LRSAM1: variants seen among roughly 807,000 people sequenced by gnomAD.
The protein encoded by LRSAM1 is leucine rich repeat and sterile alpha motif containing 1.
Under a neutral mutation model 118.1 loss-of-function variants are expected in LRSAM1, and 96 were observed. That is an observed-to-expected ratio of 0.81 (90% confidence interval 0.69 to 0.96). LRSAM1 has a LOEUF of 0.96. Among genes scored for constraint, LRSAM1 ranks in the 40% least tolerant of loss-of-function variants. The probability of loss-of-function intolerance (pLI) is 0.00; values close to 1 mark genes in which losing one functional copy is unlikely to be tolerated. For missense variants in LRSAM1, 804 were observed against 915.5 expected (o/e 0.88, Z 1.57); for synonymous variants, 322 against 364.2 (o/e 0.88, Z 1.32).
chr9:127,470,931 T>C (rs1835142144), intron 10 of LRSAM1: 1 of 152,018 alleles, frequency 6.6e-6, no homozygotes, highest in Admixed American at 6.6e-5. Flanking sequence ...AGTTACAGAT[T>C]TAAGGCCTTG....
Position 127,500,543 on chromosome 9 carries a change from A to T in LRSAM1, c.1913-467A>T, listed in dbSNP as rs193253392. ...TGGGTCACCTGATGGGCAGCAGCCC[A>T]TCCTGTCTCCTGGGCAACCAGGTGG... On this transcript the variant is annotated intron_variant, in intron 24 of 25. Transcript: ENST00000300417. Among the ~76,000 whole-genome samples the T allele has an allele frequency of 1.6e-4, 25 of 152,172 alleles. No homozygotes were observed. In the East Asian group the frequency reaches 4.6e-3, roughly 28 times the overall value.
Position 127,503,033 on chromosome 9 carries a change from G to C in LRSAM1, c.*134G>C. ...CCTGGGCCCCTTCCCCACTGCCCAG[G>C]AGCCCCCATCCTAAGCTCCAAGCAT... On this transcript the variant is annotated 3_prime_UTR_variant, in exon 26 of 26. Transcript: ENST00000300417. 8.2e-7 allele frequency: 1 copy of C among 1,225,452 alleles called. No homozygotes were observed. The highest frequency in any genetic ancestry group is 1.1e-6 in the Non-Finnish European group (1 of 869,598). The allele number at this position is 1,225,452 out of a possible 1,614,324, so 75.9% of individuals were successfully genotyped here.
Position 127,501,070 on chromosome 9 carries a change from CTG to C in LRSAM1, c.1976_1977del (p.Val659GlufsTer97). The C allele has an allele frequency of 6.2e-7, 1 of 1,614,012 alleles. No homozygotes were observed. Among genetic ancestry groups the C allele is most frequent in the South Asian group, 1.1e-5 (1 of 91,082 alleles). ...ACGGCCCCCCAGGAGCCTCCTGAGT[CTG>C]TGAGGCCATCCGCTCCCCCTGCAGA... is the stretch of plus-strand genomic sequence containing the variant. On this transcript the variant is annotated frameshift_variant, in exon 25 of 26. Coordinates refer to ENST00000300417, the MANE Select transcript of LRSAM1 (RefSeq NM_001005373.4). LOFTEE classifies it high-confidence loss of function.
At chr9:127,478,052 C>CAAA (rs368060643) in intron 11 of LRSAM1, among the ~76,000 whole-genome samples, 2 of 72,258 alleles carry the variant, frequency 2.8e-5, no homozygotes, top group Non-Finnish European at 3.0e-5. Context: ...AACTCCGTCT[C>CAAA]AAAAAAAAAA....
At chr9:127,455,492 C>G (rs999143997) in intron 4 of LRSAM1, 84 bp from the exon 5 acceptor site, 3 of 1,402,012 alleles carry the variant, frequency 2.1e-6, no homozygotes, top group South Asian at 1.2e-5. Flanking sequence ...TCCTGCCTGT[C>G]TCTTCCTCAC....
chr9:127,472,695 G>C lies in LRSAM1; in HGVS notation c.620-1106G>C, dbSNP rs1427951137. 2.0e-5 allele frequency among the ~76,000 whole-genome samples: 3 copies of C among 152,074 alleles called. No individual in the cohort carries two copies. The East Asian group carries it at 5.8e-4, about 29-fold the overall frequency. On this transcript the variant is annotated intron_variant, in intron 10 of 25. Coordinates refer to ENST00000300417, the MANE Select transcript of LRSAM1 (RefSeq NM_001005373.4). ...ATAAACATTAAAGAAACCATAAAAG[G>C]TATCATATGATGTGATTCTATGCCT...
At chr9:127,478,478 G>A (rs1469661187) in intron 11 of LRSAM1, among the ~76,000 whole-genome samples, 3 of 152,248 alleles carry the variant, frequency 2.0e-5, no homozygotes, top group African/African-American at 7.2e-5. Flanking sequence ...GTTGATAGAT[G>A]TATGAGTTAT....
chr9:127,454,714 C>A, intron 3 of LRSAM1, 115 bp downstream of exon 3: 1 of 1,141,610 alleles, frequency 8.8e-7, no homozygotes, highest in South Asian at 1.3e-5. Context: ...CTCCCCCACC[C>A]ACAGAAGAAA....
intron 7 of LRSAM1, among the ~76,000 whole-genome samples, chr9:127,459,477 C>T (rs952931935): frequency 3.3e-5 from 5 of 152,154 alleles, no homozygotes; most frequent in African/African-American, 1.2e-4. Context: ...CTTTGGCCTC[C>T]CAAAGTGCTG....
chr9:127,466,051 G>A (rs1005578004), intron 9 of LRSAM1, among the ~76,000 whole-genome samples: 2 of 152,196 alleles, frequency 1.3e-5, no homozygotes, highest in African/African-American at 2.4e-5. Flanking sequence ...GCTCAAGCTT[G>A]TAATCCTAGC....
rs113364326 is a variant in LRSAM1, at chr9:127,470,738, T to C, written c.619+2908T>C. 7.4e-3 allele frequency: 1,131 copies of C among 152,136 alleles called. 28 individuals carry two copies. Among genetic ancestry groups the C allele is most frequent in the Non-Finnish European group, 0.012 (832 of 67,930 alleles). 9.4% of individuals were successfully genotyped at this position (152,136 alleles called of 1,614,324 possible). On this transcript the variant is annotated intron_variant, in intron 10 of 25. Coordinates refer to ENST00000300417, the MANE Select transcript of LRSAM1 (RefSeq NM_001005373.4). ...ACCTGGATGAGTCTCACAAACAATG[T>C]GGAGTGTGAGGAGCCAGACACAAAG... is the stretch of plus-strand genomic sequence containing the variant.
intron 22 of LRSAM1, 32 bp downstream of exon 22, chr9:127,495,450 G>C (rs1406666607): frequency 6.3e-7 from 1 of 1,597,524 alleles, no homozygotes; most frequent in Admixed American, 1.7e-5. Context: ...CCCGGCCAGG[G>C]AGCCCTGGGG....
intron 10 of LRSAM1, among the ~76,000 whole-genome samples, chr9:127,473,339 G>A (rs1835241490): frequency 6.6e-6 from 1 of 152,292 alleles, no homozygotes; most frequent in African/African-American, 2.4e-5. Context: ...AATATATAAA[G>A]AGCACCTACA....
intron 10 of LRSAM1, among the ~76,000 whole-genome samples, chr9:127,470,279 C>A (rs1044293327): frequency 6.6e-6 from 1 of 152,056 alleles, no homozygotes; most frequent in African/African-American, 2.4e-5. Context: ...CCTCAGGAAA[C>A]TTACAGTCAT....
chr9:127,481,346 A>G, intron 15 of LRSAM1, 119 bp downstream of exon 15: 8 of 1,025,644 alleles, frequency 7.8e-6, no homozygotes, highest in Non-Finnish European at 1.0e-5. Flanking sequence ...CCCGCCGCCC[A>G]GGTCCAAGCA....
At chr9:127,476,753 C>T (rs1835361715) in intron 11 of LRSAM1, among the ~76,000 whole-genome samples, 1 of 152,046 alleles carries the variant, frequency 6.6e-6, no homozygotes, top group Non-Finnish European at 1.5e-5. Context: ...CAGCTCACTG[C>T]AACCTCTGCC....
At chr9:127,461,349 G>A (rs1262682996) in intron 8 of LRSAM1, 92 bp downstream of exon 8, 11 of 1,124,672 alleles carry the variant, frequency 9.8e-6, no homozygotes, top group South Asian at 1.2e-5. Flanking sequence ...GGGAGCCATT[G>A]AGCAGGAGGG....
Position 127,495,979 on chromosome 9 carries a change from C to G in LRSAM1, c.1714C>G (p.Arg572Gly). Reference protein sequence around the residue: ...SLKLQEEGMERQLVALLEELS... With the variant: ...SLKLQEEGMEGQLVALLEELS... ...TGTCTTGCAGGAAGAGGGGATGGAG[C>G]GCCAGCTGGTGGCCCTCCTGGAGGA... is the stretch of plus-strand genomic sequence containing the variant. The change falls in exon 23 of 26, where the codon CGC becomes GGC. Residue 572 changes from arginine to glycine, a missense_variant. By Grantham distance (125) the Arg-to-Gly change is moderately radical (BLOSUM62 -2). Transcript: ENST00000300417. The G allele has an allele frequency of 2.5e-6, 4 of 1,612,764 alleles. No individual in the cohort carries two copies. Among genetic ancestry groups the G allele is most frequent in the Non-Finnish European group, 3.4e-6 (4 of 1,179,932 alleles).
chr9:127,475,139 T>C (rs1835307452), intron 11 of LRSAM1, among the ~76,000 whole-genome samples: 1 of 152,052 alleles, frequency 6.6e-6, no homozygotes, highest in Admixed American at 6.6e-5. Context: ...CAGTTCACAT[T>C]CTCAGAAAAT....
Sources: gnomAD v4.1 joint callset for allele counts (sites outside exome capture counted in the v4.1 genomes callset) on GRCh38, gnomAD v4.1.1 for gene constraint, MANE v1.5 for transcripts, NCBI Gene and HGNC (gene_info 2026-07-23, HGNC 2026-07-21) for gene names.